SLC71A1: variants seen among roughly 807,000 people sequenced by gnomAD.
SLC71A1 encodes the protein hippocampus abundant gene transcript 1.
the SLC71A1 span, among the ~76,000 whole-genome samples, chr1:100,070,068 A>G: frequency 6.6e-6 from 1 of 152,198 alleles, no homozygotes; most frequent in Admixed American, 6.5e-5. Context: ...TGTAGAGTTT[A>G]CATTCTGGTG....
chr1:100,072,860 C>G, the SLC71A1 span, among the ~76,000 whole-genome samples: 2 of 152,160 alleles, frequency 1.3e-5, no homozygotes, highest in South Asian at 4.1e-4. Flanking sequence ...TAGTTCTACA[C>G]ATTTCTTTTT....
At chr1:100,060,874 C>T in the SLC71A1 span, among the ~76,000 whole-genome samples, 1 of 152,100 alleles carries the variant, frequency 6.6e-6, no homozygotes, top group East Asian at 1.9e-4. Context: ...GTTCTTTTTA[C>T]TCCACTGAGT....
the SLC71A1 span, among the ~76,000 whole-genome samples, chr1:100,038,512 C>T: frequency 2.0e-5 from 3 of 152,156 alleles, no homozygotes; most frequent in Admixed American, 6.5e-5. Flanking sequence ...GGGCTTGCGG[C>T]CTCCGGGGCC....
the SLC71A1 span, among the ~76,000 whole-genome samples, chr1:100,070,539 T>C: frequency 2.0e-5 from 3 of 152,296 alleles, no homozygotes; most frequent in African/African-American, 7.2e-5. Context: ...GGCAGCCCAG[T>C]TGGTAAACAG....
At chr1:100,069,137 T>C in the SLC71A1 span, among the ~76,000 whole-genome samples, 21 of 152,228 alleles carry the variant, frequency 1.4e-4, no homozygotes, top group Non-Finnish European at 1.2e-4. Flanking sequence ...TAGTTTTCCC[T>C]GTCCATATAG....
At chr1:100,041,354 G>A in the SLC71A1 span, among the ~76,000 whole-genome samples, 2 of 152,144 alleles carry the variant, frequency 1.3e-5, no homozygotes, top group Admixed American at 6.5e-5. Flanking sequence ...ACATTAAGGT[G>A]TGTGATTTTA....
At chr1:100,069,004 TAAATA>T in the SLC71A1 span, among the ~76,000 whole-genome samples, 1 of 152,046 alleles carries the variant, frequency 6.6e-6, no homozygotes, top group Non-Finnish European at 1.5e-5. Flanking sequence ...AATAAATAAA[TAAATA>T]AAAAGAATAT....
At chr1:100,061,387 G>A in the SLC71A1 span, among the ~76,000 whole-genome samples, 1 of 152,022 alleles carries the variant, frequency 6.6e-6, no homozygotes, top group African/African-American at 2.4e-5. Flanking sequence ...GATAACTTAT[G>A]GAAAACATTT....
chr1:100,082,153 A>G, the SLC71A1 span: 1 of 1,614,160 alleles, frequency 6.2e-7, no homozygotes, highest in East Asian at 2.2e-5. Context: ...CCATCCTCAT[A>G]ATACACAAGC....
chr1:100,078,768 CATAGAA>C, the SLC71A1 span: 1 of 397,202 alleles, frequency 2.5e-6, no homozygotes, highest in African/African-American at 2.1e-5. Context: ...CTGTTCTGTT[CATAGAA>C]AATTTACTGA....
chr1:100,068,342 T>C, the SLC71A1 span: 9 of 923,592 alleles, frequency 9.7e-6, no homozygotes, highest in East Asian at 2.0e-4. Context: ...GTTTGGGGAA[T>C]ATGAAATAAA....
chr1:100,051,968 T>C, the SLC71A1 span, among the ~76,000 whole-genome samples: 2 of 152,184 alleles, frequency 1.3e-5, no homozygotes, highest in Non-Finnish European at 2.9e-5. Flanking sequence ...AACCGGGGCT[T>C]AGAAAAGTTA....
At chr1:100,063,996 C>A in the SLC71A1 span, among the ~76,000 whole-genome samples, 1 of 152,180 alleles carries the variant, frequency 6.6e-6, no homozygotes, top group African/African-American at 2.4e-5. Flanking sequence ...ACCATTTTCC[C>A]TTTCCCCACA....
chr1:100,065,269 G>A, the SLC71A1 span, among the ~76,000 whole-genome samples: 2 of 152,246 alleles, frequency 1.3e-5, no homozygotes, highest in South Asian at 4.1e-4. Context: ...AGAATTTTAT[G>A]TACTTGTTCA....
the SLC71A1 span, among the ~76,000 whole-genome samples, chr1:100,081,803 A>G: frequency 1.3e-5 from 2 of 152,226 alleles, no homozygotes; most frequent in African/African-American, 4.8e-5. Context: ...CTGTTTTGCC[A>G]GTTGTTATTC....
chr1:100,078,380 A>T, the SLC71A1 span: 2 of 963,460 alleles, frequency 2.1e-6, no homozygotes, highest in Non-Finnish European at 3.2e-6. Flanking sequence ...AGAATTACTT[A>T]ATTATGTAGT....
chr1:100,038,292 G>A, the SLC71A1 span: 4 of 1,558,974 alleles, frequency 2.6e-6, no homozygotes, highest in Non-Finnish European at 3.5e-6. Context: ...TGGCCAAGAA[G>A]ATCATCATTA....
chr1:100,066,942 T>C, the SLC71A1 span, among the ~76,000 whole-genome samples: 4 of 133,048 alleles, frequency 3.0e-5, no homozygotes, highest in African/African-American at 1.2e-4. Flanking sequence ...TGAGCCGAGA[T>C]CGCGCCACTG....
the SLC71A1 span, among the ~76,000 whole-genome samples, chr1:100,038,691 C>T: frequency 6.6e-6 from 1 of 152,120 alleles, no homozygotes; most frequent in Non-Finnish European, 1.5e-5. Flanking sequence ...CCTTCGCCGC[C>T]AGGCCCCGCG....
Sources: gnomAD v4.1 joint callset for allele counts (sites outside exome capture counted in the v4.1 genomes callset) on GRCh38, gnomAD v4.1.1 for gene constraint, MANE v1.5 for transcripts, NCBI Gene and HGNC (gene_info 2026-07-23, HGNC 2026-07-21) for gene names.